The following IL1RAPL2 variants were observed in gnomAD, a reference collection of about 807,000 sequenced individuals.
The protein encoded by IL1RAPL2 is interleukin 1 receptor accessory protein like 2.
A neutral mutation model predicts 44.1 loss-of-function variants in IL1RAPL2; 3 were observed. The observed-to-expected ratio is 0.07, with a 90% CI of 0.03 to 0.18. The LOEUF (loss-of-function observed/expected upper bound fraction) is 0.18, where lower values mean the gene tolerates loss of function less well. Ranked by LOEUF, IL1RAPL2 falls within the 10% of genes least tolerant of loss-of-function variation. The pLI is 1.00. For synonymous variants in IL1RAPL2, 181 were observed against 178.8 expected, an observed-to-expected ratio of 1.01 and a Z score of -0.10; for missense variants, 391 against 496.4, an observed-to-expected ratio of 0.79 and a Z score of 2.02.
At chrX:105,460,098 C>G (rs1352015994) in intron 5 of IL1RAPL2, among the ~76,000 whole-genome samples, 3 of 111,087 alleles carry the variant, frequency 2.7e-5, no homozygotes, top group Non-Finnish European at 5.7e-5. Flanking sequence ...GTGAAGCAGG[C>G]AAAGTTATGT....
At chrX:104,802,387 G>GA (rs1480728001) in intron 2 of IL1RAPL2, among the ~76,000 whole-genome samples, 1 of 103,656 alleles carries the variant, frequency 9.6e-6, no homozygotes, top group African/African-American at 3.5e-5. Context: ...AAAGAAGAAA[G>GA]AAAATCAGTC....
At chrX:105,578,643 T>G (rs1490972548) in intron 6 of IL1RAPL2, among the ~76,000 whole-genome samples, 3 of 110,958 alleles carry the variant, frequency 2.7e-5, no homozygotes, top group Non-Finnish European at 5.7e-5. Context: ...AGTGCACCAC[T>G]AATAATTACA....
chrX:104,677,956 C>T (rs941178284), intron 2 of IL1RAPL2, among the ~76,000 whole-genome samples: 3 of 112,430 alleles, frequency 2.7e-5, no homozygotes, highest in Non-Finnish European at 5.6e-5. Context: ...TGCTTCGGCT[C>T]GCGCATGGTG....
intron 3 of IL1RAPL2, among the ~76,000 whole-genome samples, chrX:105,227,136 G>A (rs1216249066): frequency 9.3e-6 from 1 of 107,573 alleles, no homozygotes; most frequent in African/African-American, 3.4e-5. Flanking sequence ...ACGAGTTAAT[G>A]GGTGCAGCAC....
Position 105,591,274 on chromosome X carries a change from A to G in IL1RAPL2, c.772+106887A>G, listed in dbSNP as rs201285004. 2.9e-5 allele frequency among the ~76,000 whole-genome samples: 3 copies of G among 103,766 alleles called. No homozygotes were observed. In the East Asian group the frequency reaches 9.3e-4, roughly 32 times the overall value. The allele number at this position is 103,766 out of a possible 115,157, so 90.1% of individuals were successfully genotyped here. ...GGTTGGTGGTAATGTTTCCTTTGTC[A>G]TTTCTGATTATGTTTATTTGGATGT... is the stretch of plus-strand genomic sequence containing the variant. On this transcript the variant is annotated intron_variant, in intron 6 of 10. Transcript: ENST00000372582.
At chrX:105,315,470 G>A (rs2034829706) in intron 5 of IL1RAPL2, among the ~76,000 whole-genome samples, 1 of 100,090 alleles carries the variant, frequency 1.0e-5, no homozygotes, top group Non-Finnish European at 2.0e-5. Flanking sequence ...TCACAATATT[G>A]TGCAACTATA....
At chrX:104,867,295 AG>A (rs1218546774) in intron 2 of IL1RAPL2, among the ~76,000 whole-genome samples, 1 of 110,432 alleles carries the variant, frequency 9.1e-6, no homozygotes, top group African/African-American at 3.3e-5. Flanking sequence ...ACAAAAACAA[AG>A]ACAGGATTGG....
chrX:105,053,179 AC>A (rs1323802934), intron 2 of IL1RAPL2, among the ~76,000 whole-genome samples: 1 of 109,510 alleles, frequency 9.1e-6, no homozygotes, highest in East Asian at 2.9e-4. Flanking sequence ...CCAATTTTCC[AC>A]CCTAGCATAA....
At chrX:105,562,510 T>TG in intron 6 of IL1RAPL2, among the ~76,000 whole-genome samples, 1 of 31,706 alleles carries the variant, frequency 3.2e-5, no homozygotes, top group Non-Finnish European at 6.3e-5. Context: ...GAATTGAAAA[T>TG]AAACACACAC....
chrX:105,605,893 C>T (rs1057102020), intron 6 of IL1RAPL2, among the ~76,000 whole-genome samples: 2 of 111,553 alleles, frequency 1.8e-5, no homozygotes, highest in Admixed American at 1.9e-4. Context: ...ACTGTATATT[C>T]ATATGCAGAA....
intron 1 of IL1RAPL2, among the ~76,000 whole-genome samples, chrX:104,603,775 A>G (rs904117898): frequency 1.8e-5 from 2 of 112,298 alleles, no homozygotes; most frequent in Non-Finnish European, 3.8e-5. Context: ...AAAAGGAATG[A>G]GCAAAGCATC....
intron 6 of IL1RAPL2, among the ~76,000 whole-genome samples, chrX:105,664,959 T>G (rs2037747628): frequency 8.9e-6 from 1 of 112,402 alleles, no homozygotes; most frequent in African/African-American, 3.2e-5. Context: ...AAGGAAATGA[T>G]GAACAAGATT....
chrX:104,759,585 A>C (rs1932393901), intron 2 of IL1RAPL2, among the ~76,000 whole-genome samples: 1 of 111,403 alleles, frequency 9.0e-6, no homozygotes, highest in African/African-American at 3.3e-5. Context: ...TAGTAGCACA[A>C]ATATTTTCTT....
rs143309140 is a variant in IL1RAPL2 at position 105,189,013 on chromosome X, A to T, written c.83-6462A>T. ...CCTGTGGAGTGCCCATTTGAGGCAGACGGAGTCCACTGTGCTGGGTATAAA... is the reference window on the plus strand; with the variant it reads ...CCTGTGGAGTGCCCATTTGAGGCAGTCGGAGTCCACTGTGCTGGGTATAAA... On this transcript the variant is annotated intron_variant, in intron 2 of 10. Coordinates refer to ENST00000372582, the MANE Select transcript of IL1RAPL2 (RefSeq NM_017416.2). 6.6e-3 allele frequency among the ~76,000 whole-genome samples: 741 copies of T among 111,906 alleles called. 8 individuals are homozygous for T. The highest frequency in any genetic ancestry group is 0.023 in the African/African-American group (712 of 30,769).
chrX:105,130,214 G>C (rs1266407351), intron 2 of IL1RAPL2, among the ~76,000 whole-genome samples: 1 of 111,176 alleles, frequency 9.0e-6, no homozygotes, highest in Non-Finnish European at 1.9e-5. Context: ...CACTATTCCA[G>C]TGCTCCTCAA....
intron 1 of IL1RAPL2, among the ~76,000 whole-genome samples, chrX:104,593,849 T>C (rs1049649045): frequency 8.9e-6 from 1 of 112,551 alleles, no homozygotes; most frequent in Non-Finnish European, 1.9e-5. Context: ...TTTCCTTTAG[T>C]CTTTGAAATC....
rs770002036 is a variant in IL1RAPL2 at position 105,573,416 on chromosome X, T to C, written c.772+89029T>C. Among the ~76,000 whole-genome samples, 51 of 111,418 alleles carry C rather than the reference T, an allele frequency of 4.6e-4. 1 individual carries two copies. In the South Asian group the frequency reaches 4.9e-3, roughly 11 times the overall value. On this transcript the variant is annotated intron_variant, in intron 6 of 10. Coordinates refer to ENST00000372582, the MANE Select transcript of IL1RAPL2 (RefSeq NM_017416.2). ...TTCCCTCTGATATCAGTGTGGCAGA[T>C]GGATTGGACAGAGATCAATTAGGAA... is the stretch of plus-strand genomic sequence containing the variant.
In IL1RAPL2 at chrX:104,913,381, G is replaced by A. The variant is rs143279184; in HGVS notation, c.82+254386G>A. 6.3e-3 allele frequency among the ~76,000 whole-genome samples: 701 copies of A among 111,355 alleles called. 3 individuals are homozygous for A. The highest frequency in any genetic ancestry group is 0.022 in the African/African-American group (668 of 30,693). ...CCTGACACTGTGGAATATTTCACAA[G>A]GTTTCATCAAAATTTCAAAATATCA... On this transcript the variant is annotated intron_variant, in intron 2 of 10. Transcript: ENST00000372582.
At chrX:105,272,638 T>C (rs192894480) in intron 5 of IL1RAPL2, among the ~76,000 whole-genome samples, 1 of 112,513 alleles carries the variant, frequency 8.9e-6, no homozygotes, top group East Asian at 2.8e-4. Flanking sequence ...CTTCAAAGAT[T>C]TGCTGCTAGA....
Sources: gnomAD v4.1 joint callset for allele counts (sites outside exome capture counted in the v4.1 genomes callset) on GRCh38, gnomAD v4.1.1 for gene constraint, MANE v1.5 for transcripts, NCBI Gene and HGNC (gene_info 2026-07-23, HGNC 2026-07-21) for gene names.